MICAL2: variants seen among roughly 807,000 people sequenced by gnomAD.
MICAL2 encodes [F-actin]-monooxygenase MICAL2.
In MICAL2, 77 loss-of-function variants were observed where a neutral mutation model predicts 127.3. The ratio of observed to expected loss-of-function variants is 0.60; its 90% CI spans 0.50 to 0.73. The LOEUF is 0.73. MICAL2 is among the 30% of genes least tolerant of loss of function. The pLI, the probability that MICAL2 is intolerant of heterozygous loss-of-function variation, is 0.00. For synonymous variants in MICAL2, 570 were observed against 551.1 expected, an observed-to-expected ratio of 1.03 and a Z score of -0.48; for missense variants, 1,351 against 1,434.4, an observed-to-expected ratio of 0.94 and a Z score of 0.94.
downstream of MICAL2, among the ~76,000 whole-genome samples, chr11:12,287,608 C>T (rs1863841703): frequency 6.6e-6 from 1 of 152,184 alleles, no homozygotes; most frequent in Non-Finnish European, 1.5e-5. Flanking sequence ...CACACACACA[C>T]ACATGCACAC....
At chr11:12,193,968 A>C (rs1015170216) in intron 3 of MICAL2, among the ~76,000 whole-genome samples, 1 of 152,250 alleles carries the variant, frequency 6.6e-6, no homozygotes, top group Non-Finnish European at 1.5e-5. Flanking sequence ...TGTGAGCAGC[A>C]ATGCCATTTT....
intron 6 of MICAL2, 29 bp downstream of exon 6, chr11:12,209,627 TG>T: frequency 1.3e-6 from 2 of 1,569,686 alleles, no homozygotes; most frequent in Non-Finnish European, 1.8e-6. Context: ...GGTGTGGGAA[TG>T]GGGGGATGGG....
intron 24 of MICAL2, among the ~76,000 whole-genome samples, chr11:12,271,031 G>A (rs966649040): frequency 7.9e-5 from 12 of 152,174 alleles, no homozygotes; most frequent in South Asian, 2.1e-4. Flanking sequence ...GAGGACAGAC[G>A]TTTCCCCAGA....
intron 6 of MICAL2, among the ~76,000 whole-genome samples, chr11:12,211,780 GGA>G (rs1413246730): frequency 2.6e-5 from 4 of 152,206 alleles, no homozygotes; most frequent in Admixed American, 2.0e-4. Context: ...GATTCACAGG[GGA>G]GAGAGTCCAG....
downstream of MICAL2, chr11:12,294,204 A>G (rs1390477416): frequency 6.2e-7 from 1 of 1,612,134 alleles, no homozygotes; most frequent in Admixed American, 1.7e-5. Flanking sequence ...GAACAAGCTC[A>G]AGGGGAGCGA....
chr11:12,167,963 T>A (rs184357352), intron 3 of MICAL2, among the ~76,000 whole-genome samples: 2 of 152,278 alleles, frequency 1.3e-5, no homozygotes, highest in East Asian at 3.9e-4. Context: ...TTTACTGAGT[T>A]CACTTTATAA....
Position 12,110,798 on chromosome 11 carries a change from G to A in MICAL2, c.-149+72G>A, listed in dbSNP as rs1849538175. On this transcript the variant is annotated intron_variant, in intron 1 of 27. Coordinates refer to ENST00000683283, the MANE Select transcript of MICAL2 (RefSeq NM_001282663.2). The surrounding 1 kb of genome is among the most constrained non-coding windows in gnomAD (Gnocchi z 4.5). The stretch of plus-strand genomic sequence containing the variant: ...CGCGGGTGGGGACCGTGCCAGCCTC[G>A]GCTGGACTCTGCGCCGTGTCCAACG... 2 of 152,062 alleles carry A rather than the reference G, an allele frequency of 1.3e-5. No individual in the cohort carries two copies. The highest frequency in any genetic ancestry group is 4.1e-4 in the South Asian group (2 of 4,826). 9.4% of individuals were successfully genotyped at this position (152,062 alleles called of 1,614,324 possible). A position where few individuals can be genotyped will look rare whatever the true frequency, so the allele number is the denominator to read the frequency against.
rs773677808 is a variant in MICAL2 at position 12,258,571 on chromosome 11, A to G, written c.3231+15A>G. 8.7e-6 allele frequency: 14 copies of G among 1,609,178 alleles called. No individual in the cohort carries two copies. The highest frequency in any genetic ancestry group is 1.6e-4 in the Middle Eastern group (1 of 6,080). The stretch of plus-strand genomic sequence containing the variant: ...AACAAAGAGAGGTATGTTTGTCTCA[A>G]ACATGCTGGTGAAACGGGGAAGGCC... On this transcript the variant is annotated intron_variant, in intron 25 of 27. Coordinates refer to ENST00000683283, the MANE Select transcript of MICAL2 (RefSeq NM_001282663.2).
intron 32 of MICAL2, among the ~76,000 whole-genome samples, chr11:12,342,127 C>T (rs569071463): frequency 5.0e-4 from 76 of 152,328 alleles, no homozygotes; most frequent in Admixed American, 7.8e-4. Context: ...TGGACCCAGG[C>T]AGAGGGTGAG....
intron 32 of MICAL2, among the ~76,000 whole-genome samples, chr11:12,344,780 C>T (rs1589920951): frequency 6.7e-6 from 1 of 149,144 alleles, no homozygotes; most frequent in Non-Finnish European, 1.5e-5. Context: ...GGATTACAGG[C>T]GTGAGCCACC....
At chr11:12,337,354 A>G (rs1938784993) in intron 32 of MICAL2, among the ~76,000 whole-genome samples, 1 of 151,792 alleles carries the variant, frequency 6.6e-6, no homozygotes, top group Non-Finnish European at 1.5e-5. Context: ...TTTATTCTTT[A>G]TTAGTCTTGC....
chr11:12,233,193 C>T (rs1033166147), intron 15 of MICAL2, among the ~76,000 whole-genome samples: 1 of 152,210 alleles, frequency 6.6e-6, no homozygotes, highest in African/African-American at 2.4e-5. Context: ...GATTTCATTA[C>T]TCTCACAACA....
At chr11:12,172,974 A>G (rs1856445718) in intron 3 of MICAL2, among the ~76,000 whole-genome samples, 1 of 152,206 alleles carries the variant, frequency 6.6e-6, no homozygotes, top group Non-Finnish European at 1.5e-5. Flanking sequence ...GAAATATATA[A>G]CATACATAGT....
chr11:12,272,803 G>A (rs975311315), upstream of MICAL2, among the ~76,000 whole-genome samples: 3 of 151,900 alleles, frequency 2.0e-5, no homozygotes, highest in African/African-American at 7.3e-5. Context: ...CTGACTGAAG[G>A]GGTAGTGGCC....
chr11:12,262,736 A>C, intron 27 of MICAL2, 199 bp downstream of exon 27: 1 of 555,650 alleles, frequency 1.8e-6, no homozygotes, highest in Non-Finnish European at 3.2e-6. Flanking sequence ...TTCATTTCCC[A>C]TGGAGCTGGC....
chr11:12,133,459 A>G (rs1165385933), intron 1 of MICAL2, among the ~76,000 whole-genome samples: 3 of 152,134 alleles, frequency 2.0e-5, no homozygotes, highest in Non-Finnish European at 2.9e-5. Context: ...AAACCATGCT[A>G]TTAGTAGGCA....
intron 32 of MICAL2, among the ~76,000 whole-genome samples, chr11:12,335,508 T>G (rs958130813): frequency 5.3e-5 from 8 of 152,082 alleles, no homozygotes; most frequent in South Asian, 2.1e-4. Flanking sequence ...TTTTGGTGTT[T>G]TAGTCATGAA....
chr11:12,114,332 G>C (rs762365633), intron 1 of MICAL2, among the ~76,000 whole-genome samples: 5 of 152,226 alleles, frequency 3.3e-5, no homozygotes, highest in Non-Finnish European at 5.9e-5. Context: ...GCACGTAACA[G>C]AATTAACTGT....
intron 26 of MICAL2, chr11:12,260,846 T>A: frequency 1.0e-6 from 1 of 985,442 alleles, no homozygotes; most frequent in South Asian, 4.7e-5. Flanking sequence ...TTCCCCCCCA[T>A]ACCAACTCAC....
Sources: allele counts gnomAD v4.1 joint callset (sites outside exome capture counted in the v4.1 genomes callset), GRCh38; gene constraint gnomAD v4.1.1; non-coding constraint Gnocchi (gnomAD v3.1); transcripts MANE v1.5; gene names NCBI Gene and HGNC (gene_info 2026-07-23, HGNC 2026-07-21).